Variants in KCNAB1 observed in about 807,000 individuals in gnomAD.
KCNAB1 encodes the protein potassium voltage-gated channel subfamily A regulatory beta subunit 1.
Under a neutral mutation model 64.6 loss-of-function variants are expected in KCNAB1, and 35 were observed. That is an observed-to-expected ratio of 0.54 (90% confidence interval 0.41 to 0.72). The LOEUF (loss-of-function observed/expected upper bound fraction) is 0.72. Ranked by LOEUF, KCNAB1 falls within the 30% of genes least tolerant of loss-of-function variation. KCNAB1 has a pLI of 0.00. For synonymous variants in KCNAB1, 177 were observed against 183.8 expected, an observed-to-expected ratio of 0.96 and a Z score of 0.30; for missense variants, 401 against 512.9, an observed-to-expected ratio of 0.78 and a Z score of 2.11.
intron 1 of KCNAB1, among the ~76,000 whole-genome samples, chr3:156,318,462 T>G (rs1449875681): frequency 6.6e-6 from 1 of 152,066 alleles, no homozygotes; most frequent in Non-Finnish European, 1.5e-5. Flanking sequence ...AACTGTTGCT[T>G]TGTTGGAATA....
chr3:156,292,397 A>C (rs540933128), intron 1 of KCNAB1, among the ~76,000 whole-genome samples: 1 of 152,330 alleles, frequency 6.6e-6, no homozygotes, highest in South Asian at 2.1e-4. Context: ...CCAGAAAAAA[A>C]CACAACTGCT....
chr3:156,143,713 A>G (rs1714869631), intron 1 of KCNAB1, among the ~76,000 whole-genome samples: 2 of 151,078 alleles, frequency 1.3e-5, no homozygotes, highest in African/African-American at 4.9e-5. Context: ...TAGGGAGGTG[A>G]TTTGGCAGGT....
intron 1 of KCNAB1, among the ~76,000 whole-genome samples, chr3:156,125,087 G>A (rs1713571857): frequency 6.6e-6 from 1 of 151,424 alleles, no homozygotes. Flanking sequence ...GCAGTGAGCC[G>A]AGATTACTCC....
rs141498702 is a variant in KCNAB1 at position 156,225,959 on chromosome 3, C to T, written c.275+105073C>T. Reference sequence around the variant, plus strand: ...TACAAATGGAAACACATCCCATGCTCATGGATTCAATATTGTGAAAATGAC... The same window carrying T: ...TACAAATGGAAACACATCCCATGCTTATGGATTCAATATTGTGAAAATGAC... On this transcript the variant is annotated intron_variant, in intron 1 of 13. Transcript: ENST00000490337. Among the ~76,000 whole-genome samples the T allele has an allele frequency of 7.0e-4, 107 of 152,224 alleles. 1 individual carries two copies. The highest frequency in any genetic ancestry group is 2.4e-3 in the African/African-American group (101 of 41,568).
At chr3:156,229,632 G>A (rs1448789829) in intron 1 of KCNAB1, among the ~76,000 whole-genome samples, 1 of 152,142 alleles carries the variant, frequency 6.6e-6, no homozygotes, top group Non-Finnish European at 1.5e-5. Flanking sequence ...GTAAGAAGAT[G>A]GGCTCAGAAA....
chr3:156,284,762 A>G lies in KCNAB1; in HGVS notation c.276-136854A>G, dbSNP rs557180270. 2.1e-3 allele frequency among the ~76,000 whole-genome samples: 320 copies of G among 152,272 alleles called. 1 individual carries two copies. The highest frequency in any genetic ancestry group is 7.4e-3 in the African/African-American group (308 of 41,550). On this transcript the variant is annotated intron_variant, in intron 1 of 13. Coordinates refer to ENST00000490337, the MANE Select transcript of KCNAB1 (RefSeq NM_172160.3). ...CGTCCGTCACCCCTTTCTTTGACTC[A>G]GAAAGGGAACTCCCTGACCCCTTGT...
At chr3:156,374,408 T>C (rs1711523322) in intron 1 of KCNAB1, among the ~76,000 whole-genome samples, 1 of 137,882 alleles carries the variant, frequency 7.3e-6, no homozygotes, top group Non-Finnish European at 1.5e-5. Context: ...ATTTCAGTGT[T>C]GAGCCATACC....
intron 1 of KCNAB1, among the ~76,000 whole-genome samples, chr3:156,256,582 A>G (rs1299075789): frequency 1.3e-5 from 2 of 152,244 alleles, no homozygotes; most frequent in African/African-American, 2.4e-5. Context: ...CTTCTGTTTT[A>G]TGCTAAAAGC....
rs752117294 is a variant in KCNAB1, at chr3:156,474,795, A to C, written c.633A>C (p.Arg211=). Residue 211 remains arginine (R), a synonymous_variant, in exon 8 of 14, where the codon CGA becomes CGC. Coordinates refer to ENST00000490337, the MANE Select transcript of KCNAB1 (RefSeq NM_172160.3). ...ATGTGGATGTGGTCTTTGCAAATCG[A>C]CCGGACAGTAACACTCCCATGGAAG... ...LEYVDVVFAN[R]PDSNTPMEEI... The C allele has an allele frequency of 1.2e-6, 2 of 1,613,134 alleles. No individual in the cohort carries two copies. Among genetic ancestry groups the C allele is most frequent in the South Asian group, 2.2e-5 (2 of 91,048 alleles).
intron 1 of KCNAB1, among the ~76,000 whole-genome samples, chr3:156,158,179 A>AAAAAAAAT (rs1715853856): frequency 6.6e-5 from 4 of 60,662 alleles, no homozygotes; most frequent in African/African-American, 1.4e-4. Context: ...AAAAAAATAA[A>AAAAAAAAT]AAATAAATAA....
chr3:156,254,062 A>C (rs1717971102), intron 1 of KCNAB1, among the ~76,000 whole-genome samples: 1 of 152,224 alleles, frequency 6.6e-6, no homozygotes, highest in Non-Finnish European at 1.5e-5. Flanking sequence ...TGCCCTCTGC[A>C]ACCAGAGAGC....
At chr3:156,199,955 AT>A (rs1200520549) in intron 1 of KCNAB1, among the ~76,000 whole-genome samples, 2 of 152,156 alleles carry the variant, frequency 1.3e-5, no homozygotes, top group East Asian at 3.9e-4. Flanking sequence ...AACTTCCTGG[AT>A]TTATCTACCT....
At chr3:156,531,154 A>T (rs1718675239) in intron 12 of KCNAB1, among the ~76,000 whole-genome samples, 1 of 152,154 alleles carries the variant, frequency 6.6e-6, no homozygotes, top group Non-Finnish European at 1.5e-5. Flanking sequence ...CGTGCTGGAG[A>T]GAATCTTACA....
chr3:156,176,790 G>A lies in KCNAB1; in HGVS notation c.275+55904G>A, dbSNP rs1213025125. Reference sequence around the variant, plus strand: ...TCCTGCTTGCAGCAAAGCTCCTGGCGTCGCCTGCTGCTGCCCGGCTCCAGG... The same window carrying A: ...TCCTGCTTGCAGCAAAGCTCCTGGCATCGCCTGCTGCTGCCCGGCTCCAGG... On this transcript the variant is annotated intron_variant, in intron 1 of 13. Transcript: ENST00000490337. 6.9e-6 allele frequency: 6 copies of A among 869,020 alleles called. No individual in the cohort carries two copies. The Admixed American group carries it at 7.0e-5, about 10-fold the overall frequency. The allele number at this position is 869,020 out of a possible 1,614,324, so 53.8% of individuals were successfully genotyped here.
At chr3:156,222,836 G>A (rs972775411) in intron 1 of KCNAB1, among the ~76,000 whole-genome samples, 1 of 152,296 alleles carries the variant, frequency 6.6e-6, no homozygotes, top group Admixed American at 6.5e-5. Flanking sequence ...TGATTGTTGG[G>A]TCAACAATGA....
chr3:156,232,564 C>T (rs913432728), intron 1 of KCNAB1, among the ~76,000 whole-genome samples: 1 of 152,202 alleles, frequency 6.6e-6, no homozygotes, highest in African/African-American at 2.4e-5. Flanking sequence ...AGAACTTTTA[C>T]TACTGATCAA....
At chr3:156,476,695 G>A (rs919299614) in intron 8 of KCNAB1, among the ~76,000 whole-genome samples, 17 of 152,036 alleles carry the variant, frequency 1.1e-4, no homozygotes, top group Non-Finnish European at 1.9e-4. Context: ...CTGTAAACAC[G>A]CGTGTTCTTT....
At chr3:156,174,720 G>A (rs985335575) in intron 1 of KCNAB1, among the ~76,000 whole-genome samples, 1 of 152,148 alleles carries the variant, frequency 6.6e-6, no homozygotes, top group Non-Finnish European at 1.5e-5. Flanking sequence ...AGCCAATGTG[G>A]TCGCTTCCAC....
intron 8 of KCNAB1, among the ~76,000 whole-genome samples, chr3:156,482,280 A>G (rs1714879725): frequency 1.3e-5 from 2 of 152,092 alleles, no homozygotes; most frequent in South Asian, 4.1e-4. Context: ...ACAACTCAAT[A>G]ATAGGATTAA....
Sources: allele counts gnomAD v4.1 joint callset (sites outside exome capture counted in the v4.1 genomes callset), GRCh38; gene constraint gnomAD v4.1.1; transcripts MANE v1.5; gene names NCBI Gene and HGNC (gene_info 2026-07-23, HGNC 2026-07-21).